USP34: variants seen among roughly 807,000 people sequenced by gnomAD.
USP34 encodes the protein ubiquitin carboxyl-terminal hydrolase 34.
USP34 carries 70 observed loss-of-function variants against 460.3 expected under a neutral mutation model. The ratio of observed to expected loss-of-function variants is 0.15; its 90% CI spans 0.13 to 0.19. The LOEUF (loss-of-function observed/expected upper bound fraction) is 0.19. Ranked by LOEUF, USP34 falls within the 10% of genes least tolerant of loss-of-function variation. The pLI, the probability that USP34 is intolerant of heterozygous loss-of-function variation, is 1.00. For missense variants in USP34, 3,985 were observed against 4,236.2 expected (o/e 0.94, Z 1.65); for synonymous variants, 1,647 against 1,405.3 (o/e 1.17, Z -3.85).
At chr2:61,317,393 G>C (rs1690782679) in intron 23 of USP34, among the ~76,000 whole-genome samples, 1 of 152,128 alleles carries the variant, frequency 6.6e-6, no homozygotes, top group Non-Finnish European at 1.5e-5. Flanking sequence ...CAGGCATGGT[G>C]GCAAATGTCT....
rs1426437159 is a variant in USP34, at chr2:61,343,941, A to C, written c.2374T>G (p.Phe792Val). The change falls in exon 16 of 80, where the codon TTT becomes GTT. Residue 792 changes from phenylalanine to valine, a missense_variant. Around this residue, in one of 14 missense-constraint regions of USP34, gnomAD observed 716 missense variants for 626.2 expected, o/e 1.14. Coordinates refer to ENST00000398571, the MANE Select transcript of USP34 (RefSeq NM_014709.4). ...SAKSEKNMAD[F>V]DGEESGCEEE... ...TCACATCCAGATTCTTCACCATCAA[A>C]ATCAGCCATATTTTTTTCTGATTTT... 6.2e-7 allele frequency: 1 copy of C among 1,613,944 alleles called. No individual in the cohort carries two copies. Among genetic ancestry groups the C allele is most frequent in the Non-Finnish European group, 8.5e-7 (1 of 1,179,916 alleles).
At chr2:61,224,848 T>C (rs533741294) in intron 62 of USP34, among the ~76,000 whole-genome samples, 45 of 152,336 alleles carry the variant, frequency 3.0e-4, no homozygotes, top group African/African-American at 9.4e-4. Context: ...CCTCCGTAAG[T>C]TGGCTCTTGA....
intron 75 of USP34, chr2:61,200,311 T>C (rs1031338285): frequency 6.6e-6 from 1 of 152,386 alleles, no homozygotes; most frequent in African/African-American, 2.4e-5. Context: ...ACACAGTTTT[T>C]TTCAGATGGC....
At chr2:61,408,202 C>A (rs987725676) in intron 2 of USP34, among the ~76,000 whole-genome samples, 2 of 152,080 alleles carry the variant, frequency 1.3e-5, no homozygotes, top group Non-Finnish European at 2.9e-5. Flanking sequence ...ATCCTCCAGC[C>A]CCACATGAGC....
chr2:61,456,587 T>A (rs187352966), intron 1 of USP34, among the ~76,000 whole-genome samples: 1 of 152,090 alleles, frequency 6.6e-6, no homozygotes, highest in Admixed American at 6.6e-5. Flanking sequence ...GAAGCCAAAG[T>A]AGGGAGATCA....
chr2:61,226,436 C>T (rs1687730738), intron 62 of USP34, among the ~76,000 whole-genome samples: 1 of 152,186 alleles, frequency 6.6e-6, no homozygotes, highest in Non-Finnish European at 1.5e-5. Flanking sequence ...TTTGGTTGTA[C>T]ATACACATAC....
intron 10 of USP34, among the ~76,000 whole-genome samples, chr2:61,357,411 A>C (rs539541432): frequency 1.2e-4 from 18 of 152,242 alleles, no homozygotes; most frequent in Non-Finnish European, 2.2e-4. Flanking sequence ...GAATGCAGAA[A>C]GAACAATGTT....
chr2:61,355,571 A>G (rs1338506887), intron 10 of USP34, among the ~76,000 whole-genome samples: 1 of 152,156 alleles, frequency 6.6e-6, no homozygotes, highest in African/African-American at 2.4e-5. Flanking sequence ...TGTTAAATAC[A>G]GAAGAAAATT....
intron 1 of USP34, among the ~76,000 whole-genome samples, chr2:61,449,691 C>T (rs183325244): frequency 3.3e-5 from 5 of 152,188 alleles, no homozygotes; most frequent in Non-Finnish European, 7.4e-5. Context: ...GACTTTCAAA[C>T]AAGGATGCCA....
At chr2:61,254,159 T>C (rs937428691) in intron 48 of USP34, among the ~76,000 whole-genome samples, 3 of 152,256 alleles carry the variant, frequency 2.0e-5, no homozygotes, top group African/African-American at 7.2e-5. Flanking sequence ...CCAATGCTTT[T>C]ATTCAGCTGT....
chr2:61,265,273 A>C (rs1689015005), intron 43 of USP34, 124 bp downstream of exon 43: 2 of 1,042,450 alleles, frequency 1.9e-6, no homozygotes, highest in South Asian at 3.2e-5. Flanking sequence ...TAGTTACTGT[A>C]ATCAAATTTA....
intron 16 of USP34, 92 bp downstream of exon 16, chr2:61,343,722 CA>C (rs1691675259): frequency 7.5e-7 from 1 of 1,338,674 alleles, no homozygotes; most frequent in Non-Finnish European, 1.0e-6. Context: ...ATTTAAGTAC[CA>C]TAACCTTAAC....
chr2:61,452,786 G>A (rs780832529), intron 1 of USP34, among the ~76,000 whole-genome samples: 23 of 151,216 alleles, frequency 1.5e-4, no homozygotes, highest in Non-Finnish European at 3.4e-4. Flanking sequence ...TCAGGAGGCT[G>A]ACATAAGAGG....
In USP34 at chr2:61,221,622, A is replaced by G. The variant is rs529025352; in HGVS notation, c.7795-16T>C. 7 of 1,610,910 alleles carry G rather than the reference A, an allele frequency of 4.3e-6. No homozygotes were observed. In the East Asian group the frequency reaches 8.9e-5, roughly 21 times the overall value. ...GATTGGCTGCCTGTAAAACACATAC[A>G]TGACTGTGTATTTAGATCAATCTGA... On this transcript the variant is annotated splice_polypyrimidine_tract_variant and intron_variant, in intron 65 of 79. Transcript: ENST00000398571.
At chr2:61,308,469 A>G (rs1393740954) in intron 27 of USP34, among the ~76,000 whole-genome samples, 2 of 152,134 alleles carry the variant, frequency 1.3e-5, no homozygotes, top group Non-Finnish European at 1.5e-5. Context: ...AAACATAGAA[A>G]AGATAAATTA....
At chr2:61,230,461 T>C (rs943894266) in intron 58 of USP34, among the ~76,000 whole-genome samples, 2 of 151,814 alleles carry the variant, frequency 1.3e-5, no homozygotes, top group African/African-American at 4.8e-5. Context: ...GAGGTGGCGG[T>C]TGCAGTGAGA....
intron 1 of USP34, among the ~76,000 whole-genome samples, chr2:61,425,038 T>A (rs952430326): frequency 6.6e-6 from 1 of 152,084 alleles, no homozygotes. Context: ...CAGGCTGGTC[T>A]CAAACTCCTG....
intron 65 of USP34, among the ~76,000 whole-genome samples, chr2:61,222,293 A>C (rs1558474087): frequency 6.6e-6 from 1 of 152,242 alleles, no homozygotes; most frequent in Non-Finnish European, 1.5e-5. Flanking sequence ...ATACTTTTAC[A>C]CACATGCTGA....
At chr2:61,369,060 C>A (rs2103832903) in intron 10 of USP34, among the ~76,000 whole-genome samples, 1 of 152,236 alleles carries the variant, frequency 6.6e-6, no homozygotes, top group African/African-American at 2.4e-5. Context: ...CTCTTAAACA[C>A]AAGATTTGCA....
Sources: allele counts gnomAD v4.1 joint callset (sites outside exome capture counted in the v4.1 genomes callset), GRCh38; gene constraint gnomAD v4.1.1; regional missense constraint gnomAD v4.1.1; transcripts MANE v1.5; gene names NCBI Gene and HGNC (gene_info 2026-07-23, HGNC 2026-07-21).